Variants in DYNC1I1 observed in about 807,000 individuals in gnomAD.
DYNC1I1 encodes cytoplasmic dynein 1 intermediate chain 1.
In DYNC1I1, 43 loss-of-function variants were observed where a neutral mutation model predicts 86.6. The observed-to-expected ratio is 0.50, with a 90% confidence interval of 0.39 to 0.64. The LOEUF is 0.64. DYNC1I1 is among the 30% of genes least tolerant of loss of function. The probability of loss-of-function intolerance (pLI) is 0.00; values close to 1 mark genes in which losing one functional copy is unlikely to be tolerated. For missense variants in DYNC1I1, 604 were observed against 788.8 expected, an observed-to-expected ratio of 0.77 and a Z score of 2.81; for synonymous variants, 262 against 283.7, an observed-to-expected ratio of 0.92 and a Z score of 0.77.
chr7:95,989,061 G>A (rs1793666398), intron 9 of DYNC1I1, among the ~76,000 whole-genome samples: 1 of 152,344 alleles, frequency 6.6e-6, no homozygotes, highest in Non-Finnish European at 1.5e-5. Context: ...GGTGCAGAAT[G>A]ATATGGGGCA....
At chr7:96,099,941 C>T (rs1021655937), downstream of DYNC1I1, among the ~76,000 whole-genome samples, 2 of 152,084 alleles carry the variant, frequency 1.3e-5, no homozygotes, top group African/African-American at 4.8e-5. Context: ...CAGAAGCTGA[C>T]CATGGAGTGG....
intron 6 of DYNC1I1, among the ~76,000 whole-genome samples, chr7:95,916,657 T>C (rs1791475661): frequency 6.6e-6 from 1 of 152,186 alleles, no homozygotes; most frequent in Non-Finnish European, 1.5e-5. Context: ...TGACCATTCA[T>C]TGTTTTTTTG....
At chr7:95,834,045 T>G (rs1407694648) in intron 5 of DYNC1I1, among the ~76,000 whole-genome samples, 1 of 62,898 alleles carries the variant, frequency 1.6e-5, no homozygotes, top group Non-Finnish European at 2.7e-5. Context: ...CCCTGTCTTG[T>G]GCCAGTTTTC....
At chr7:95,781,963 A>T (rs1794004922) in intron 1 of DYNC1I1, among the ~76,000 whole-genome samples, 1 of 152,172 alleles carries the variant, frequency 6.6e-6, no homozygotes. Flanking sequence ...AACAAAAAAT[A>T]ACTGCCAACC....
intron 5 of DYNC1I1, among the ~76,000 whole-genome samples, 177 bp from the exon 6 acceptor site, chr7:95,869,706 G>A (rs1243173180): frequency 6.6e-6 from 1 of 152,190 alleles, no homozygotes; most frequent in Non-Finnish European, 1.5e-5. Context: ...CGTGGGCCAA[G>A]AGCCCACGTG....
At chr7:95,813,016 G>A (rs1026220910) in intron 3 of DYNC1I1, among the ~76,000 whole-genome samples, 4 of 151,294 alleles carry the variant, frequency 2.6e-5, no homozygotes, top group Admixed American at 2.6e-4. Context: ...GAATCCCTAG[G>A]TTAATTCTGT....
chr7:96,040,601 CG>C (rs1789011707), intron 14 of DYNC1I1, among the ~76,000 whole-genome samples: 2 of 151,922 alleles, frequency 1.3e-5, no homozygotes, highest in Admixed American at 1.3e-4. Flanking sequence ...TAAAGGTGCC[CG>C]GGAGAGGCAT....
intron 14 of DYNC1I1, among the ~76,000 whole-genome samples, chr7:96,060,066 T>G (rs1789717639): frequency 6.6e-6 from 1 of 152,166 alleles, no homozygotes; most frequent in East Asian, 1.9e-4. Flanking sequence ...CAATAACCAT[T>G]TAAGTGAATC....
At chr7:96,063,304 C>T (rs963845080) in intron 14 of DYNC1I1, among the ~76,000 whole-genome samples, 3 of 152,026 alleles carry the variant, frequency 2.0e-5, no homozygotes, top group African/African-American at 4.8e-5. Context: ...GGGGGAATTA[C>T]ATAAGTGCAG....
chr7:95,846,625 C>CTGTGTGTGTATGTGTG (rs1461596857), intron 5 of DYNC1I1, among the ~76,000 whole-genome samples: 3 of 132,684 alleles, frequency 2.3e-5, no homozygotes, highest in African/African-American at 8.5e-5. Context: ...AAATCTCTCT[C>CTGTGTGTGTATGTGTG]TCTGTGTGTG....
At position 96,032,784 on chromosome 7, in the gene DYNC1I1, G is replaced by A; in HGVS notation, c.1230+4G>A. 1 of 1,611,240 alleles carries A rather than the reference G, an allele frequency of 6.2e-7. No homozygotes were observed. The highest frequency in any genetic ancestry group is 1.3e-5 in the African/African-American group (1 of 74,790). ...GGACATGCTCTCAACTCCACAGGTG[G>A]GTTTGTTTTTCCCTACACATAACAC... On this transcript the variant is annotated splice_donor_region_variant and intron_variant, in intron 12 of 16. Transcript: ENST00000447467.
chr7:95,967,328 G>A (rs531349542), intron 6 of DYNC1I1, among the ~76,000 whole-genome samples: 2 of 152,296 alleles, frequency 1.3e-5, no homozygotes, highest in East Asian at 1.9e-4. Context: ...CCAACAGGTA[G>A]AGCAGGAACA....
At chr7:95,869,180 A>G (rs1011972795) in intron 5 of DYNC1I1, among the ~76,000 whole-genome samples, 2 of 152,230 alleles carry the variant, frequency 1.3e-5, no homozygotes, top group African/African-American at 4.8e-5. Flanking sequence ...AAAGGCACGT[A>G]ACATAATGAA....
At chr7:95,828,694 A>C (rs1422314241) in intron 5 of DYNC1I1, among the ~76,000 whole-genome samples, 1 of 152,184 alleles carries the variant, frequency 6.6e-6, no homozygotes, top group East Asian at 1.9e-4. Flanking sequence ...CTATGTCCTA[A>C]ATATCATCTT....
rs75619121 is a variant in DYNC1I1 at position 95,981,623 on chromosome 7, T to C, written c.581-3192T>C. Among the ~76,000 whole-genome samples the C allele has an allele frequency of 3.3e-3, 510 of 152,266 alleles. 11 individuals are homozygous for C. The highest frequency in any genetic ancestry group is 0.026 in the Admixed American group (403 of 15,274). ...CATCCATGCATTCTACTTTTCATAG[T>C]GTAGAATCTACTTCTTCTTAAAGAG... On this transcript the variant is annotated intron_variant, in intron 7 of 16. Transcript: ENST00000447467.
Position 96,076,068 on chromosome 7 carries a change from G to T in DYNC1I1, c.1521G>T (p.Pro507=), listed in dbSNP as rs944256028. 1.2e-6 allele frequency: 2 copies of T among 1,613,898 alleles called. No individual in the cohort carries two copies. The highest frequency in any genetic ancestry group is 1.1e-5 in the South Asian group (1 of 91,042). Residue 507 remains proline, a synonymous_variant, in exon 15 of 17, where the codon CCG becomes CCT. Coordinates refer to ENST00000447467, the MANE Select transcript of DYNC1I1 (RefSeq NM_001135556.2). ...TCTCTGCTTTACAGCACAACAAGCC[G>T]CTCTACTCCTTTGAAGACAATGCAG... ...VKLWTTKHNK[P]LYSFEDNADY...
chr7:95,868,618 G>A (rs770665867), intron 5 of DYNC1I1, among the ~76,000 whole-genome samples: 2 of 151,464 alleles, frequency 1.3e-5, no homozygotes, highest in Non-Finnish European at 2.9e-5. Flanking sequence ...TTTAGAAATA[G>A]AATATGTCCA....
rs1789181920 is a variant in DYNC1I1, at chr7:96,045,454, C to T, written c.1509+6033C>T. ...GAAAAGGAAACAGCGATCACAGTAC[C>T]AAAGTCCTCAGTGAATTAGGAGGAG... On this transcript the variant is annotated intron_variant, in intron 14 of 16. Transcript: ENST00000447467. 7.9e-5 allele frequency among the ~76,000 whole-genome samples: 12 copies of T among 151,972 alleles called. No homozygotes were observed. The South Asian group carries it at 2.5e-3, about 32-fold the overall frequency.
At chr7:96,105,589 C>T (rs1266473821) in intron 16 of DYNC1I1, among the ~76,000 whole-genome samples, 1 of 152,068 alleles carries the variant, frequency 6.6e-6, no homozygotes, top group African/African-American at 2.4e-5. Flanking sequence ...CATAATCGTT[C>T]CTTGTGAATA....
Sources: allele counts gnomAD v4.1 joint callset (sites outside exome capture counted in the v4.1 genomes callset), GRCh38; gene constraint gnomAD v4.1.1; transcripts MANE v1.5; gene names NCBI Gene and HGNC (gene_info 2026-07-23, HGNC 2026-07-21).